The following CELF2 variants were observed in gnomAD, a reference collection of about 807,000 sequenced individuals.
CELF2 encodes CUGBP Elav-like family member 2.
Under a neutral mutation model 62.6 loss-of-function variants are expected in CELF2, and 8 were observed. That is an observed-to-expected ratio of 0.13 (90% confidence interval 0.07 to 0.23). CELF2 has a LOEUF of 0.23. Ranked by LOEUF, CELF2 falls within the 10% of genes least tolerant of loss-of-function variation. The pLI, the probability that CELF2 is intolerant of heterozygous loss-of-function variation, is 1.00. For missense variants in CELF2, 333 were observed against 671.0 expected (o/e 0.50, Z 5.56); for synonymous variants, 258 against 250.0 (o/e 1.03, Z -0.30).
At chr10:10,915,277 AC>A (rs1221497595) in intron 1 of CELF2, among the ~76,000 whole-genome samples, 1 of 152,250 alleles carries the variant, frequency 6.6e-6, no homozygotes, top group African/African-American at 2.4e-5. Flanking sequence ...TAAAAAATGA[AC>A]TTAAGAGAGC....
chr10:11,222,268 T>C (rs536259454), intron 3 of CELF2, among the ~76,000 whole-genome samples: 9 of 152,200 alleles, frequency 5.9e-5, no homozygotes, highest in Non-Finnish European at 1.3e-4. Flanking sequence ...TAGTGATAGG[T>C]ATTAATGCCT....
Position 11,257,850 on chromosome 10 carries a change from G to A in CELF2, c.516G>A (p.Arg172=). Residue 172 remains arginine, a synonymous_variant, in exon 5 of 13, where the codon CGG becomes CGA. Coordinates refer to ENST00000633077, the MANE Select transcript of CELF2 (RefSeq NM_001326342.2). ...AGATAGAAGAATGCCGGATCCTCCG[G>A]GGACCTGATGGGCTGAGTCGAGGTG... ...FGQIEECRIL[R]GPDGLSRGCA... 1 of 1,614,188 alleles carries A rather than the reference G, an allele frequency of 6.2e-7. No homozygotes were observed. Among genetic ancestry groups the A allele is most frequent in the Non-Finnish European group, 8.5e-7 (1 of 1,180,030 alleles).
Position 11,329,185 on chromosome 10 carries a change from C to T in CELF2, c.*132C>T. On this transcript the variant is annotated 3_prime_UTR_variant, in exon 13 of 13. Transcript: ENST00000633077. The surrounding 1 kb of genome is among the most constrained non-coding windows in gnomAD (Gnocchi z 5.5). ...TTACCAAGAGAGACGGTTATTTTTACAATAAGGCCTCCATGTCCCCACCCA... is the reference window on the plus strand; with the variant it reads ...TTACCAAGAGAGACGGTTATTTTTATAATAAGGCCTCCATGTCCCCACCCA... 1.1e-6 allele frequency: 1 copy of T among 937,162 alleles called. No individual in the cohort carries two copies. Among genetic ancestry groups the T allele is most frequent in the Non-Finnish European group, 1.5e-6 (1 of 647,902 alleles). 58.1% of individuals were successfully genotyped at this position (937,162 alleles called of 1,614,324 possible).
At chr10:10,869,662 C>T (rs1162828132) in intron 1 of CELF2, among the ~76,000 whole-genome samples, 1 of 152,118 alleles carries the variant, frequency 6.6e-6, no homozygotes, top group Non-Finnish European at 1.5e-5. Context: ...TTTTCTAATC[C>T]CTGGTTTTAT....
the CELF2 span, among the ~76,000 whole-genome samples, chr10:10,665,772 A>T: frequency 6.6e-6 from 1 of 152,244 alleles, no homozygotes; most frequent in African/African-American, 2.4e-5. Context: ...ATGGAGTTAG[A>T]AACACCAAAT....
the CELF2 span, among the ~76,000 whole-genome samples, chr10:10,732,520 C>CTTTTTTTT: frequency 9.1e-6 from 1 of 110,380 alleles, no homozygotes; most frequent in Non-Finnish European, 1.9e-5. Flanking sequence ...ACTCACTCTC[C>CTTTTTTTT]TTTTTTTTTT....
intron 1 of CELF2, among the ~76,000 whole-genome samples, chr10:10,900,714 C>T (rs1808219767): frequency 1.3e-5 from 2 of 151,948 alleles, no homozygotes; most frequent in Admixed American, 6.6e-5. Flanking sequence ...TTGTAGCCAG[C>T]GCGGTCAGAA....
chr10:11,088,000 A>G (rs905263790), intron 1 of CELF2, among the ~76,000 whole-genome samples: 1 of 152,218 alleles, frequency 6.6e-6, no homozygotes, highest in Non-Finnish European at 1.5e-5. Flanking sequence ...TGACAGAATC[A>G]CTGAATGCCC....
intron 1 of CELF2, among the ~76,000 whole-genome samples, chr10:10,913,858 A>G (rs966980109): frequency 0.075 from 7,565 of 101,084 alleles, 620 homozygotes; most frequent in African/African-American, 0.22. Flanking sequence ...AGGGAAGGAG[A>G]GAAGGAAGGA....
rs2095412295 is a variant in CELF2 at position 11,321,007 on chromosome 10, T to C, written c.1097-182T>C. ...GTGAGGGTTCTCATGGCTTAGGTCA[T>C]TTTCCCCCATTATCACGATTTATTT... On this transcript the variant is annotated intron_variant, in intron 10 of 12. Transcript: ENST00000633077. The surrounding 1 kb of genome is among the most constrained non-coding windows in gnomAD (Gnocchi z 6.2). 7.3e-7 allele frequency: 1 copy of C among 1,361,884 alleles called. No homozygotes were observed. Among genetic ancestry groups the C allele is most frequent in the African/African-American group, 1.5e-5 (1 of 67,998 alleles). 84.4% of individuals were successfully genotyped at this position (1,361,884 alleles called of 1,614,324 possible). A position where few individuals can be genotyped will look rare whatever the true frequency, so the allele number is the denominator to read the frequency against.
chr10:10,761,454 C>G, the CELF2 span, among the ~76,000 whole-genome samples: 11 of 152,172 alleles, frequency 7.2e-5, no homozygotes, highest in African/African-American at 2.7e-4. Context: ...TATGTGTCAA[C>G]TTCACTGGGC....
intron 2 of CELF2, among the ~76,000 whole-genome samples, chr10:11,176,413 C>A (rs572333805): frequency 6.6e-6 from 1 of 152,102 alleles, no homozygotes; most frequent in Non-Finnish European, 1.5e-5. Context: ...AGCTGCCAGC[C>A]CCTACCTGAT....
intron 1 of CELF2, among the ~76,000 whole-genome samples, chr10:10,807,076 A>G (rs376352155): frequency 6.6e-6 from 1 of 152,314 alleles, no homozygotes; most frequent in East Asian, 1.9e-4. Context: ...ATAATAATTG[A>G]GCACATAGAC....
At chr10:10,756,375 G>A in the CELF2 span, among the ~76,000 whole-genome samples, 1 of 152,158 alleles carries the variant, frequency 6.6e-6, no homozygotes, top group South Asian at 2.1e-4. Context: ...ATAAATATTT[G>A]GATAGTCATT....
chr10:10,786,492 A>G, the CELF2 span, among the ~76,000 whole-genome samples: 1 of 148,392 alleles, frequency 6.7e-6, no homozygotes, highest in Middle Eastern at 3.5e-3. Context: ...AAAAAAAAAA[A>G]ATTCCTAGAA....
the CELF2 span, among the ~76,000 whole-genome samples, chr10:10,726,548 T>A: frequency 6.6e-6 from 1 of 152,176 alleles, no homozygotes. Flanking sequence ...AGAATCTTCC[T>A]AAGTTTGTTT....
intron 2 of CELF2, among the ~76,000 whole-genome samples, chr10:10,981,760 G>C (rs2052137296): frequency 6.6e-6 from 1 of 152,124 alleles, no homozygotes; most frequent in South Asian, 2.1e-4. Flanking sequence ...TTGTGCCAAG[G>C]CCTTTTCATG....
chr10:11,243,620 T>A lies in CELF2; in HGVS notation c.355-5533T>A, dbSNP rs2074694223. 6.6e-6 allele frequency among the ~76,000 whole-genome samples: 1 copy of A among 152,188 alleles called. No individual in the cohort carries two copies. Among genetic ancestry groups the A allele is most frequent in the Admixed American group, 6.5e-5 (1 of 15,278 alleles). ...CAAGTGCAGCTGAGATGAACATAAG[T>A]AATAGACTCATTAATTGTTTCATCG... is the stretch of plus-strand genomic sequence containing the variant. On this transcript the variant is annotated intron_variant, in intron 3 of 12. Coordinates refer to ENST00000633077, the MANE Select transcript of CELF2 (RefSeq NM_001326342.2). This position sits in a 1 kb window ranked among gnomAD's most constrained non-coding sequence, Gnocchi z 4.1.
chr10:10,538,213 G>A, the CELF2 span, among the ~76,000 whole-genome samples: 1 of 152,132 alleles, frequency 6.6e-6, no homozygotes, highest in Non-Finnish European at 1.5e-5. Context: ...CATTTGCCAA[G>A]TTGGAAGATG....
Sources: allele counts gnomAD v4.1 joint callset (sites outside exome capture counted in the v4.1 genomes callset), GRCh38; gene constraint gnomAD v4.1.1; non-coding constraint Gnocchi (gnomAD v3.1); transcripts MANE v1.5; gene names NCBI Gene and HGNC (gene_info 2026-07-23, HGNC 2026-07-21).